The following DLG2 variants were observed in gnomAD, a reference collection of about 807,000 sequenced individuals.
The protein encoded by DLG2 is discs large MAGUK scaffold protein 2, also known as disks large homolog 2.
In DLG2, 45 loss-of-function variants were observed where a neutral mutation model predicts 132.5. The ratio of observed to expected loss-of-function variants is 0.34; its 90% CI spans 0.27 to 0.44. The LOEUF (loss-of-function observed/expected upper bound fraction) is 0.44, where lower values mean the gene tolerates loss of function less well. Among genes scored for constraint, DLG2 ranks in the 20% least tolerant of loss-of-function variants. The pLI is 1.00. For synonymous variants in DLG2, 424 were observed against 419.6 expected (o/e 1.01, Z -0.13); for missense variants, 1,045 against 1,196.9 (o/e 0.87, Z 1.87).
At position 84,821,726 on chromosome 11, in the gene DLG2, A is replaced by G. The variant is rs149438675; in HGVS notation, c.358-286995T>C. 7.3e-3 allele frequency among the ~76,000 whole-genome samples: 1,102 copies of G among 151,736 alleles called. 18 individuals are homozygous for G. Among genetic ancestry groups the G allele is most frequent in the African/African-American group, 0.026 (1,066 of 41,474 alleles). On this transcript the variant is annotated intron_variant, in intron 6 of 27. Coordinates refer to ENST00000376104, the MANE Select transcript of DLG2 (RefSeq NM_001142699.3). ...GTTGTTGAGTTCCTTTCCAATGTAG[A>G]AGATTCTTTGCCACTGGAACTGATA...
intron 6 of DLG2, among the ~76,000 whole-genome samples, chr11:85,002,882 C>G (rs978846584): frequency 1.3e-5 from 2 of 151,838 alleles, no homozygotes; most frequent in Admixed American, 6.6e-5. Flanking sequence ...GGATGAAGAC[C>G]TTTATGATAT....
At chr11:84,968,516 A>G (rs1199037686) in intron 6 of DLG2, among the ~76,000 whole-genome samples, 1 of 152,118 alleles carries the variant, frequency 6.6e-6, no homozygotes, top group African/African-American at 2.4e-5. Context: ...ATCCAGAATG[A>G]GCCTTTTGAG....
chr11:85,238,183 T>A (rs1355795334), intron 4 of DLG2, among the ~76,000 whole-genome samples: 1 of 148,030 alleles, frequency 6.8e-6, no homozygotes, highest in Non-Finnish European at 1.5e-5. Context: ...TTATCTTAAC[T>A]TTTTTTTATT....
intron 7 of DLG2, among the ~76,000 whole-genome samples, chr11:84,491,404 G>A (rs2099164812): frequency 6.6e-6 from 1 of 152,064 alleles, no homozygotes; most frequent in Non-Finnish European, 1.5e-5. Flanking sequence ...TGATTGTGGG[G>A]CCTCGCCAGC....
At chr11:84,159,150 A>T (rs759401646) in intron 9 of DLG2, among the ~76,000 whole-genome samples, 8 of 152,224 alleles carry the variant, frequency 5.3e-5, no homozygotes, top group Non-Finnish European at 1.0e-4. Context: ...TTAGATGCCA[A>T]CCACTCCCTG....
chr11:84,401,060 C>T lies in DLG2; in HGVS notation c.519+133510G>A, dbSNP rs954596053. Among the ~76,000 whole-genome samples the T allele has an allele frequency of 3.3e-5, 5 of 152,128 alleles. No individual in the cohort carries two copies. The South Asian group carries it at 6.2e-4, about 19-fold the overall frequency. On this transcript the variant is annotated intron_variant, in intron 7 of 27. Transcript: ENST00000376104. Reference sequence around the variant, plus strand: ...TTCCTTCATTTAATCTTCATAATAGCCCTATCGGGTTAGTATTTCTGTTTC... The same window carrying T: ...TTCCTTCATTTAATCTTCATAATAGTCCTATCGGGTTAGTATTTCTGTTTC...
chr11:85,167,413 T>C (rs1207331671), intron 4 of DLG2, among the ~76,000 whole-genome samples: 1 of 152,142 alleles, frequency 6.6e-6, no homozygotes, highest in Admixed American at 6.6e-5. Flanking sequence ...CAGAACATGC[T>C]ACCCCAAAAT....
At chr11:85,007,176 T>G (rs1489048825) in intron 6 of DLG2, among the ~76,000 whole-genome samples, 1 of 137,958 alleles carries the variant, frequency 7.2e-6, no homozygotes, top group Non-Finnish European at 1.5e-5. Context: ...TATTTATACT[T>G]GAGTGACTTT....
intron 4 of DLG2, among the ~76,000 whole-genome samples, chr11:85,190,731 A>G (rs2080461205): frequency 6.6e-6 from 1 of 152,194 alleles, no homozygotes; most frequent in Admixed American, 6.5e-5. Context: ...ACCCCTATGC[A>G]CATAAATTAG....
chr11:83,908,379 C>G (rs1317833117), intron 15 of DLG2, among the ~76,000 whole-genome samples: 1 of 151,794 alleles, frequency 6.6e-6, no homozygotes, highest in African/African-American at 2.4e-5. Flanking sequence ...CACTTGAGAT[C>G]TTTCTCTTCT....
At chr11:84,532,883 C>A (rs1312444225) in intron 7 of DLG2, among the ~76,000 whole-genome samples, 2 of 152,218 alleles carry the variant, frequency 1.3e-5, no homozygotes, top group African/African-American at 4.8e-5. Flanking sequence ...AGTCTCTCGG[C>A]CCTGCCCTTT....
At chr11:84,964,340 A>G (rs1328287570) in intron 6 of DLG2, among the ~76,000 whole-genome samples, 5 of 152,154 alleles carry the variant, frequency 3.3e-5, no homozygotes, top group African/African-American at 1.2e-4. Flanking sequence ...GCTAAGGAGC[A>G]TTAGTAATTA....
intron 6 of DLG2, among the ~76,000 whole-genome samples, chr11:84,855,178 G>T (rs1304160068): frequency 6.6e-6 from 1 of 151,926 alleles, no homozygotes; most frequent in Non-Finnish European, 1.5e-5. Flanking sequence ...ACTGCTACTG[G>T]CATAAACAGA....
chr11:85,064,301 G>A (rs999639926), intron 6 of DLG2, among the ~76,000 whole-genome samples: 4 of 151,760 alleles, frequency 2.6e-5, no homozygotes, highest in African/African-American at 9.7e-5. Context: ...CAAGAAGCTA[G>A]AGAGGCTTAT....
intron 16 of DLG2, among the ~76,000 whole-genome samples, chr11:83,853,200 T>C (rs1460692959): frequency 6.6e-6 from 1 of 152,182 alleles, no homozygotes; most frequent in African/African-American, 2.4e-5. Context: ...TTCCCTCACC[T>C]TGGTCTTTCC....
At chr11:84,152,430 A>C (rs1263913575) in intron 9 of DLG2, among the ~76,000 whole-genome samples, 12 of 148,020 alleles carry the variant, frequency 8.1e-5, no homozygotes, top group Non-Finnish European at 1.5e-4. Flanking sequence ...ACTGTTGCCC[A>C]GGCTGGAGTG....
At chr11:83,877,070 A>G (rs1021930410) in intron 15 of DLG2, among the ~76,000 whole-genome samples, 5 of 152,028 alleles carry the variant, frequency 3.3e-5, no homozygotes, top group African/African-American at 4.8e-5. Context: ...GGAAATGCTT[A>G]TTAGTTTCTT....
At chr11:84,478,600 G>C (rs2099128150) in intron 7 of DLG2, among the ~76,000 whole-genome samples, 1 of 152,036 alleles carries the variant, frequency 6.6e-6, no homozygotes, top group South Asian at 2.1e-4. Flanking sequence ...CCTGAGAGTA[G>C]AACTTCTGGA....
chr11:84,286,521 T>A (rs2154373124), intron 7 of DLG2, among the ~76,000 whole-genome samples: 1 of 152,270 alleles, frequency 6.6e-6, no homozygotes, highest in East Asian at 1.9e-4. Context: ...TGGCTAAAAT[T>A]ATCTTTTACT....
Sources: gnomAD v4.1 joint callset for allele counts (sites outside exome capture counted in the v4.1 genomes callset) on GRCh38, gnomAD v4.1.1 for gene constraint, MANE v1.5 for transcripts, NCBI Gene and HGNC (gene_info 2026-07-23, HGNC 2026-07-21) for gene names.